Variants in CACHD1 observed in about 807,000 individuals in gnomAD.
The protein encoded by CACHD1 is VWFA and cache domain-containing protein 1.
CACHD1 carries 71 observed loss-of-function variants against 138.7 expected under a neutral mutation model. The ratio of observed to expected loss-of-function variants is 0.51; its 90% CI spans 0.42 to 0.62. CACHD1 has a LOEUF of 0.62. Ranked by LOEUF, CACHD1 falls within the 20% of genes least tolerant of loss-of-function variation. The pLI, the probability that CACHD1 is intolerant of heterozygous loss-of-function variation, is 0.00. For missense variants in CACHD1, 1,389 were observed against 1,625.3 expected, an observed-to-expected ratio of 0.85 and a Z score of 2.50; for synonymous variants, 578 against 591.5, an observed-to-expected ratio of 0.98 and a Z score of 0.33.
chr1:64,653,672 C>T, intron 10 of CACHD1, 86 bp from the exon 11 acceptor site: 1 of 1,417,090 alleles, frequency 7.1e-7, no homozygotes. Context: ...GGCAGCCAGC[C>T]CAGAGTACCC....
At chr1:64,505,726 C>G (rs1206912355) in intron 1 of CACHD1, among the ~76,000 whole-genome samples, 11 of 144,988 alleles carry the variant, frequency 7.6e-5, no homozygotes, top group African/African-American at 2.8e-4. Context: ...GCCCCTCCCC[C>G]TCTTGGCTGC....
chr1:64,658,676 G>A (rs370141369), intron 12 of CACHD1, 29 bp from the exon 13 acceptor site: 164 of 1,565,974 alleles, frequency 1.0e-4, no homozygotes, highest in Non-Finnish European at 1.3e-4. Context: ...TCATTTTCTA[G>A]GTCAGAAATT....
At position 64,674,639 on chromosome 1, in the gene CACHD1, A is replaced by G. The variant is rs1266126083; in HGVS notation, c.2728-762A>G. 2.6e-5 allele frequency among the ~76,000 whole-genome samples: 4 copies of G among 152,324 alleles called. No homozygotes were observed. In the East Asian group the frequency reaches 7.7e-4, roughly 29 times the overall value. ...GACCTCTAAAAACCCATTGAGTGCT[A>G]TGATTCTCAGAACTAAGCTAATCCT... On this transcript the variant is annotated intron_variant, in intron 19 of 26. Coordinates refer to ENST00000651257, the MANE Select transcript of CACHD1 (RefSeq NM_020925.4).
chr1:64,673,805 C>G (rs1649896059), intron 19 of CACHD1, among the ~76,000 whole-genome samples: 2 of 152,162 alleles, frequency 1.3e-5, no homozygotes, highest in African/African-American at 4.8e-5. Context: ...TTCCTCTCTT[C>G]CTGTCTTCTA....
Position 64,470,622 on chromosome 1 carries a change from G to A in CACHD1, c.-123G>A. 1 of 366,178 alleles carries A rather than the reference G, an allele frequency of 2.7e-6. No individual in the cohort carries two copies. The allele number at this position is 366,178 out of a possible 1,614,324, so 22.7% of individuals were successfully genotyped here. On this transcript the variant is annotated 5_prime_UTR_variant, in exon 1 of 27. Coordinates refer to ENST00000651257, the MANE Select transcript of CACHD1 (RefSeq NM_020925.4). The surrounding 1 kb of genome is among the most constrained non-coding windows in gnomAD (Gnocchi z 5.2). The stretch of plus-strand genomic sequence containing the variant: ...TTGGGAGCCTTCGCCACCGCGGCGC[G>A]GAGCAGAGCCTGCAACAGAGGAAGA...
At chr1:64,679,364 A>G (rs1295912749) in intron 23 of CACHD1, among the ~76,000 whole-genome samples, 2 of 152,194 alleles carry the variant, frequency 1.3e-5, no homozygotes, top group African/African-American at 2.4e-5. Flanking sequence ...AGTCCTTGCC[A>G]TTTGTGCTCC....
chr1:64,590,244 C>G (rs984571712), intron 3 of CACHD1, among the ~76,000 whole-genome samples: 1 of 149,988 alleles, frequency 6.7e-6, no homozygotes. Context: ...ATGGCATGAA[C>G]CTGGGAGGCA....
chr1:64,557,520 G>A (rs542443436), intron 2 of CACHD1, among the ~76,000 whole-genome samples: 12 of 152,146 alleles, frequency 7.9e-5, no homozygotes, highest in Non-Finnish European at 1.6e-4. Context: ...TTATACAGGA[G>A]ACGTACCTGA....
At position 64,597,071 on chromosome 1, in the gene CACHD1, A is replaced by C. The variant is rs116532007; in HGVS notation, c.411-5735A>C. On this transcript the variant is annotated intron_variant, in intron 3 of 26. Transcript: ENST00000651257. ...AGACCAAGAAAGGAAGTAAACCCCA[A>C]CTGGTGTGTGAGTGGGGGGGTGCTG... Among the ~76,000 whole-genome samples the C allele has an allele frequency of 4.3e-3, 650 of 151,846 alleles. 2 individuals are homozygous for C. Among genetic ancestry groups the C allele is most frequent in the Non-Finnish European group, 6.7e-3 (457 of 67,930 alleles).
intron 1 of CACHD1, among the ~76,000 whole-genome samples, chr1:64,477,236 G>A (rs1046995392): frequency 4.6e-5 from 7 of 152,160 alleles, no homozygotes; most frequent in Admixed American, 1.3e-4. Context: ...GCACAGAACC[G>A]GGAAGGTGGT....
intron 9 of CACHD1, among the ~76,000 whole-genome samples, chr1:64,651,438 T>C (rs1264268129): frequency 1.3e-5 from 2 of 152,170 alleles, no homozygotes; most frequent in East Asian, 3.9e-4. Context: ...TTATCCATAG[T>C]CTCTTTTGAT....
chr1:64,654,489 A>C (rs1649199459), intron 11 of CACHD1, among the ~76,000 whole-genome samples, 197 bp from the exon 12 acceptor site: 1 of 152,188 alleles, frequency 6.6e-6, no homozygotes, highest in African/African-American at 2.4e-5. Flanking sequence ...ATGGAGAGTA[A>C]GGGATGTTTT....
At chr1:64,682,482 A>G (rs921877708) in intron 26 of CACHD1, among the ~76,000 whole-genome samples, 4 of 152,186 alleles carry the variant, frequency 2.6e-5, no homozygotes, top group African/African-American at 9.7e-5. Flanking sequence ...GTCCTCCAGC[A>G]TTCTCTTGCC....
chr1:64,632,860 T>C (rs1197158047), intron 6 of CACHD1, 117 bp downstream of exon 6: 2 of 1,179,172 alleles, frequency 1.7e-6, no homozygotes, highest in African/African-American at 3.0e-5. Flanking sequence ...GGTTACATCC[T>C]GATAAATCCA....
chr1:64,649,924 A>G (rs150689688), intron 9 of CACHD1, among the ~76,000 whole-genome samples: 553 of 152,266 alleles, frequency 3.6e-3, no homozygotes, highest in Admixed American at 6.7e-3. Flanking sequence ...TTCAGTCCCT[A>G]GAATTATTGA....
At chr1:64,484,256 A>G (rs890297528) in intron 1 of CACHD1, among the ~76,000 whole-genome samples, 1 of 151,776 alleles carries the variant, frequency 6.6e-6, no homozygotes, top group Non-Finnish European at 1.5e-5. Context: ...GGAGGAACCA[A>G]TCAACGGAGA....
At chr1:64,656,469 G>A in intron 12 of CACHD1, among the ~76,000 whole-genome samples, 1 of 152,150 alleles carries the variant, frequency 6.6e-6, no homozygotes, top group East Asian at 1.9e-4. Context: ...TGAAATTAGA[G>A]ATTGTTTACC....
intron 8 of CACHD1, among the ~76,000 whole-genome samples, chr1:64,645,640 G>A (rs1648877997): frequency 6.6e-6 from 1 of 152,168 alleles, no homozygotes; most frequent in Non-Finnish European, 1.5e-5. Flanking sequence ...AAGTCTAGAA[G>A]CTAGGAACAT....
At chr1:64,608,391 A>G (rs1247221119) in intron 4 of CACHD1, among the ~76,000 whole-genome samples, 1 of 152,168 alleles carries the variant, frequency 6.6e-6, no homozygotes, top group Non-Finnish European at 1.5e-5. Context: ...AGGTTATCAC[A>G]TGTCTGATAT....
Sources: gnomAD v4.1 joint callset for allele counts (sites outside exome capture counted in the v4.1 genomes callset) on GRCh38, gnomAD v4.1.1 for gene constraint, Gnocchi (gnomAD v3.1) non-coding constraint, MANE v1.5 for transcripts, NCBI Gene and HGNC (gene_info 2026-07-23, HGNC 2026-07-21) for gene names.